Variants in CACNA2D1 observed in about 807,000 individuals in gnomAD.
CACNA2D1 encodes voltage-dependent calcium channel subunit alpha-2/delta-1.
A neutral mutation model predicts 171.5 loss-of-function variants in CACNA2D1; 53 were observed. The ratio of observed to expected loss-of-function variants is 0.31; its 90% CI spans 0.25 to 0.39. CACNA2D1 has a LOEUF of 0.39. CACNA2D1 is among the 10% of genes least tolerant of loss of function. CACNA2D1 has a pLI of 1.00. For synonymous variants in CACNA2D1, 442 were observed against 443.1 expected (o/e 1.00, Z 0.03); for missense variants, 903 against 1,299.8 (o/e 0.69, Z 4.69).
chr7:82,425,667 G>A (rs1829106492), intron 1 of CACNA2D1, among the ~76,000 whole-genome samples: 1 of 150,874 alleles, frequency 6.6e-6, no homozygotes. Context: ...GCATAGCTGG[G>A]ACTAATAGGT....
chr7:82,008,273 C>T (rs1799349930), intron 15 of CACNA2D1, among the ~76,000 whole-genome samples: 1 of 152,078 alleles, frequency 6.6e-6, no homozygotes, highest in South Asian at 2.1e-4. Flanking sequence ...TCTATTGATA[C>T]TGCATATCTG....
At chr7:82,100,521 T>C (rs1443718818) in intron 6 of CACNA2D1, among the ~76,000 whole-genome samples, 5 of 152,198 alleles carry the variant, frequency 3.3e-5, no homozygotes, top group African/African-American at 7.2e-5. Context: ...AACTTCCTTC[T>C]TTCAATTTGT....
intron 3 of CACNA2D1, among the ~76,000 whole-genome samples, chr7:82,194,925 C>T (rs1798700480): frequency 6.6e-6 from 1 of 151,954 alleles, no homozygotes; most frequent in Non-Finnish European, 1.5e-5. Context: ...GAGACAGAGA[C>T]TGAGATTCCA....
intron 3 of CACNA2D1, among the ~76,000 whole-genome samples, chr7:82,320,578 A>ATTTT (rs1187859762): frequency 3.4e-4 from 44 of 128,716 alleles, no homozygotes; most frequent in South Asian, 7.7e-4. Flanking sequence ...CACTTGGCTA[A>ATTTT]TTTTTTTTTT....
chr7:82,349,424 A>T, intron 2 of CACNA2D1, 144 bp downstream of exon 2: 8 of 761,910 alleles, frequency 1.0e-5, no homozygotes, highest in South Asian at 8.6e-5. Flanking sequence ...TAGCAGTACC[A>T]ATGGTTTCTC....
At chr7:82,225,286 A>G (rs1563224724) in intron 3 of CACNA2D1, among the ~76,000 whole-genome samples, 2 of 152,200 alleles carry the variant, frequency 1.3e-5, no homozygotes, top group Non-Finnish European at 2.9e-5. Flanking sequence ...GATTGCCCTG[A>G]CAAAGGTAGC....
intron 1 of CACNA2D1, among the ~76,000 whole-genome samples, chr7:82,369,177 T>C (rs1374634529): frequency 1.3e-5 from 2 of 152,080 alleles, no homozygotes; most frequent in Admixed American, 1.3e-4. Flanking sequence ...TTCATAGTAA[T>C]TATTTATTTA....
intron 1 of CACNA2D1, among the ~76,000 whole-genome samples, chr7:82,380,406 T>A (rs547373100): frequency 5.9e-5 from 9 of 152,022 alleles, no homozygotes; most frequent in Non-Finnish European, 8.8e-5. Flanking sequence ...TATGATTAAG[T>A]TTTATATGTT....
chr7:82,001,680 TC>T, intron 18 of CACNA2D1: 1 of 1,270,934 alleles, frequency 7.9e-7, no homozygotes, highest in Non-Finnish European at 1.0e-6. Context: ...GTCTCCTTTT[TC>T]TTAAATTAAT....
intron 1 of CACNA2D1, among the ~76,000 whole-genome samples, chr7:82,406,225 T>C (rs1331243556): frequency 6.6e-6 from 1 of 152,184 alleles, no homozygotes; most frequent in Non-Finnish European, 1.5e-5. Flanking sequence ...CATGAACTCA[T>C]CATTTTTTAT....
chr7:82,335,368 TATCTTG>T, intron 2 of CACNA2D1, 117 bp from the exon 3 acceptor site: 1 of 703,670 alleles, frequency 1.4e-6, no homozygotes, highest in Non-Finnish European at 2.5e-6. Context: ...CCCTGTTCTT[TATCTTG>T]ATCTTTTTGG....
intron 10 of CACNA2D1, among the ~76,000 whole-genome samples, chr7:82,057,751 C>T (rs1806122754): frequency 6.6e-6 from 1 of 152,072 alleles, no homozygotes; most frequent in South Asian, 2.1e-4. Flanking sequence ...ACCATGGATT[C>T]ATAGGCCCCA....
chr7:82,290,292 A>G (rs2129394699), intron 3 of CACNA2D1, among the ~76,000 whole-genome samples: 1 of 152,300 alleles, frequency 6.6e-6, no homozygotes, highest in Admixed American at 6.5e-5. Context: ...AGGAGGAGGC[A>G]TTAATTGTTG....
In CACNA2D1 at chr7:82,287,997, A is replaced by ATTTT. The variant is rs5885283; in HGVS notation, c.294+47134_294+47137dup. 3.3e-3 allele frequency among the ~76,000 whole-genome samples: 462 copies of ATTTT among 138,898 alleles called. 3 individuals carry two copies. The highest frequency in any genetic ancestry group is 0.012 in the African/African-American group (436 of 35,564). The allele number at this position is 138,898 out of a possible 152,430, so 91.1% of individuals were successfully genotyped here. On this transcript the variant is annotated intron_variant, in intron 3 of 38. Transcript: ENST00000356860. The stretch of plus-strand genomic sequence containing the variant: ...AGGAGCCCACCACCATGCCCGGCTA[A>ATTTT]TTTTTTTTTTTTTTTTGTATTTTTA...
chr7:82,133,212 C>A (rs1319371286), intron 5 of CACNA2D1, among the ~76,000 whole-genome samples: 1 of 152,100 alleles, frequency 6.6e-6, no homozygotes, highest in African/African-American at 2.4e-5. Flanking sequence ...CAGCAATATT[C>A]AGACTTGTGT....
intron 5 of CACNA2D1, among the ~76,000 whole-genome samples, chr7:82,136,302 C>G (rs1021704912): frequency 6.6e-6 from 1 of 151,934 alleles, no homozygotes; most frequent in Non-Finnish European, 1.5e-5. Context: ...TGACAGGAGC[C>G]AGGATACAGA....
At chr7:81,958,167 C>T (rs907946355) in intron 38 of CACNA2D1, among the ~76,000 whole-genome samples, 20 of 151,968 alleles carry the variant, frequency 1.3e-4, no homozygotes, top group African/African-American at 4.6e-4. Context: ...TAATCCCTCA[C>T]AGAGATAACT....
chr7:82,379,432 C>A (rs1823434822), intron 1 of CACNA2D1, among the ~76,000 whole-genome samples: 1 of 152,116 alleles, frequency 6.6e-6, no homozygotes, highest in East Asian at 1.9e-4. Context: ...AATATTTTAA[C>A]AAATACAAAC....
At chr7:82,263,746 T>C (rs1035685886) in intron 3 of CACNA2D1, among the ~76,000 whole-genome samples, 1 of 152,186 alleles carries the variant, frequency 6.6e-6, no homozygotes, top group East Asian at 1.9e-4. Context: ...CCATTTTTCA[T>C]GGTGAGGAAG....
Sources: allele counts gnomAD v4.1 joint callset (sites outside exome capture counted in the v4.1 genomes callset), GRCh38; gene constraint gnomAD v4.1.1; transcripts MANE v1.5; gene names NCBI Gene and HGNC (gene_info 2026-07-23, HGNC 2026-07-21).